Variants in SPAG16 observed in about 807,000 individuals in gnomAD.
SPAG16 encodes sperm-associated antigen 16 protein.
In SPAG16, 86 loss-of-function variants were observed where a neutral mutation model predicts 80.4. The observed-to-expected ratio is 1.07, with a 90% CI of 0.90 to 1.28. The LOEUF is 1.28. Ranked by LOEUF, SPAG16 falls within the 50% of genes most tolerant of loss-of-function variation. The pLI, the probability that SPAG16 is intolerant of heterozygous loss-of-function variation, is 0.00. For missense variants in SPAG16, 870 were observed against 765.3 expected, an observed-to-expected ratio of 1.14 and a Z score of -1.61; for synonymous variants, 294 against 265.9, an observed-to-expected ratio of 1.11 and a Z score of -1.03.
rs556129681 is a variant in SPAG16 at position 213,814,200 on chromosome 2, C to T, written c.1071-48285C>T. On this transcript the variant is annotated intron_variant, in intron 10 of 15. Coordinates refer to ENST00000331683, the MANE Select transcript of SPAG16 (RefSeq NM_024532.5). ...CAGTACAAAATCTGCAGGCTGGAAA[C>T]ACAGGCATGGTTTCTAATTCTGCAG... is the stretch of plus-strand genomic sequence containing the variant. 9.2e-5 allele frequency among the ~76,000 whole-genome samples: 14 copies of T among 152,276 alleles called. No individual in the cohort carries two copies. In the South Asian group the frequency reaches 2.9e-3, roughly 32 times the overall value.
intron 1 of SPAG16, among the ~76,000 whole-genome samples, chr2:213,293,972 G>C (rs1374185487): frequency 6.6e-6 from 1 of 152,078 alleles, no homozygotes; most frequent in East Asian, 1.9e-4. Flanking sequence ...CAAATTTCAA[G>C]TGACACTCCA....
chr2:214,155,237 G>A (rs1274718921), intron 15 of SPAG16, among the ~76,000 whole-genome samples: 1 of 152,146 alleles, frequency 6.6e-6, no homozygotes, highest in Non-Finnish European at 1.5e-5. Context: ...TCTATCTTAA[G>A]CATTAGAAGG....
At chr2:213,494,350 G>T (rs1275360794) in intron 10 of SPAG16, among the ~76,000 whole-genome samples, 1 of 152,080 alleles carries the variant, frequency 6.6e-6, no homozygotes, top group African/African-American at 2.4e-5. Flanking sequence ...AAATAACTTT[G>T]GTTTTCCCCC....
At chr2:214,249,235 A>G (rs936550532) in intron 15 of SPAG16, among the ~76,000 whole-genome samples, 16 of 152,222 alleles carry the variant, frequency 1.1e-4, no homozygotes, top group African/African-American at 3.1e-4. Context: ...AGTACCAGAT[A>G]AAGGCCAGTA....
intron 1 of SPAG16, among the ~76,000 whole-genome samples, chr2:213,295,053 TTATA>T (rs1427703041): frequency 6.6e-6 from 1 of 152,180 alleles, no homozygotes; most frequent in Non-Finnish European, 1.5e-5. Context: ...ACAGAAGTTG[TTATA>T]TACCCTTTCA....
intron 15 of SPAG16, among the ~76,000 whole-genome samples, chr2:214,394,265 T>C (rs187167682): frequency 6.5e-4 from 99 of 152,284 alleles, no homozygotes; most frequent in Middle Eastern, 3.4e-3. Context: ...TTTAGAAATC[T>C]AATAATTTGA....
At chr2:213,767,296 G>A (rs1305400594) in intron 10 of SPAG16, among the ~76,000 whole-genome samples, 2 of 152,082 alleles carry the variant, frequency 1.3e-5, no homozygotes, top group African/African-American at 2.4e-5. Context: ...CCCATACCAC[G>A]CAGTAGGGTA....
chr2:213,830,942 G>T (rs1438521476), intron 10 of SPAG16, among the ~76,000 whole-genome samples: 1 of 151,702 alleles, frequency 6.6e-6, no homozygotes, highest in African/African-American at 2.4e-5. Flanking sequence ...ATGATATATG[G>T]TAGAATAAGG....
intron 15 of SPAG16, among the ~76,000 whole-genome samples, chr2:214,173,725 T>C (rs1576415298): frequency 6.6e-6 from 1 of 151,930 alleles, no homozygotes; most frequent in East Asian, 1.9e-4. Flanking sequence ...ACTCATTTTA[T>C]GAGGCCAGCA....
At chr2:213,799,385 T>C (rs1384327885) in intron 10 of SPAG16, among the ~76,000 whole-genome samples, 1 of 152,164 alleles carries the variant, frequency 6.6e-6, no homozygotes, top group Non-Finnish European at 1.5e-5. Context: ...ATTGCTAATG[T>C]ATAAAAATGC....
intron 10 of SPAG16, among the ~76,000 whole-genome samples, chr2:213,574,652 TATATATG>T (rs1351869492): frequency 2.5e-4 from 37 of 147,564 alleles, no homozygotes; most frequent in South Asian, 4.2e-4. Context: ...ATATATATCA[TATATATG>T]ATATATGATA....
At chr2:214,217,054 G>C (rs2058449144) in intron 15 of SPAG16, among the ~76,000 whole-genome samples, 1 of 151,958 alleles carries the variant, frequency 6.6e-6, no homozygotes, top group African/African-American at 2.4e-5. Flanking sequence ...TTCAGATAAG[G>C]AACAATGATT....
chr2:213,435,817 T>A (rs746969504), intron 9 of SPAG16, among the ~76,000 whole-genome samples: 4 of 152,186 alleles, frequency 2.6e-5, no homozygotes, highest in Non-Finnish European at 5.9e-5. Context: ...ACATAAAATA[T>A]GTATTAAGGG....
intron 10 of SPAG16, among the ~76,000 whole-genome samples, chr2:213,631,973 T>C (rs1049995585): frequency 1.3e-5 from 2 of 152,186 alleles, no homozygotes; most frequent in Non-Finnish European, 2.9e-5. Flanking sequence ...CTGAGTCTTT[T>C]ATGGTGCCAT....
chr2:214,118,526 C>T (rs2054054663), intron 14 of SPAG16, among the ~76,000 whole-genome samples: 2 of 152,096 alleles, frequency 1.3e-5, no homozygotes, highest in Admixed American at 1.3e-4. Context: ...AAAATCATGG[C>T]AGAAGGGGAA....
Position 214,380,780 on chromosome 2 carries a change from A to T in SPAG16, c.1721-29360A>T, listed in dbSNP as rs551897166. On this transcript the variant is annotated intron_variant, in intron 15 of 15. Coordinates refer to ENST00000331683, the MANE Select transcript of SPAG16 (RefSeq NM_024532.5). ...CATGTCGGGCAGCAGCAGTATGCTGAACATGGACACCACTGTTTGCATCAC... is the reference window on the plus strand; with the variant it reads ...CATGTCGGGCAGCAGCAGTATGCTGTACATGGACACCACTGTTTGCATCAC... Among the ~76,000 whole-genome samples the T allele has an allele frequency of 5.9e-5, 9 of 152,372 alleles. No homozygotes were observed. In the South Asian group the frequency reaches 1.9e-3, roughly 32 times the overall value.
chr2:213,591,864 G>A (rs935516203), intron 10 of SPAG16, among the ~76,000 whole-genome samples: 1 of 152,100 alleles, frequency 6.6e-6, no homozygotes, highest in African/African-American at 2.4e-5. Flanking sequence ...TGGAGGATGA[G>A]GAACCCGATT....
intron 10 of SPAG16, among the ~76,000 whole-genome samples, chr2:213,800,726 T>C (rs751458799): frequency 2.6e-5 from 4 of 152,206 alleles, no homozygotes; most frequent in Non-Finnish European, 5.9e-5. Context: ...ACAGGTATAC[T>C]ACATCCAAAA....
intron 10 of SPAG16, among the ~76,000 whole-genome samples, chr2:213,679,279 A>G (rs1233172086): frequency 6.6e-6 from 1 of 152,204 alleles, no homozygotes; most frequent in African/African-American, 2.4e-5. Flanking sequence ...TTTACTTACA[A>G]TTTCTTTTTA....
Sources: gnomAD v4.1 joint callset for allele counts (sites outside exome capture counted in the v4.1 genomes callset) on GRCh38, gnomAD v4.1.1 for gene constraint, MANE v1.5 for transcripts, NCBI Gene and HGNC (gene_info 2026-07-23, HGNC 2026-07-21) for gene names.